EXOC4: variants seen among roughly 807,000 people sequenced by gnomAD.
EXOC4 encodes the protein exocyst complex component 4, also known as SEC8-like 1.
A neutral mutation model predicts 107.2 loss-of-function variants in EXOC4; 71 were observed. That is an observed-to-expected ratio of 0.66 (90% CI 0.55 to 0.81). The LOEUF (loss-of-function observed/expected upper bound fraction) is 0.81, where lower values mean the gene tolerates loss of function less well. EXOC4 is among the 30% of genes least tolerant of loss of function. EXOC4 has a pLI of 0.00. For synonymous variants in EXOC4, 456 were observed against 441.2 expected, an observed-to-expected ratio of 1.03 and a Z score of -0.42; for missense variants, 1,108 against 1,189.6, an observed-to-expected ratio of 0.93 and a Z score of 1.01.
chr7:133,499,128 T>C (rs957933128), intron 9 of EXOC4, among the ~76,000 whole-genome samples: 1 of 150,650 alleles, frequency 6.6e-6, no homozygotes, highest in Non-Finnish European at 1.5e-5. Flanking sequence ...AAAAAAAAAA[T>C]TACCCCAGAC....
chr7:133,590,485 C>T (rs144263941), intron 9 of EXOC4, among the ~76,000 whole-genome samples: 46 of 152,168 alleles, frequency 3.0e-4, no homozygotes, highest in African/African-American at 1.1e-3. Flanking sequence ...CAAATGCTGC[C>T]CTTTCTAAAA....
intron 14 of EXOC4, among the ~76,000 whole-genome samples, chr7:133,947,524 CA>C (rs982969772): frequency 1.1e-4 from 17 of 152,178 alleles, no homozygotes; most frequent in African/African-American, 4.1e-4. Context: ...TTTTGTTCTT[CA>C]AAACTACAAA....
intron 9 of EXOC4, among the ~76,000 whole-genome samples, chr7:133,486,506 AT>A (rs1257018595): frequency 3.3e-5 from 5 of 152,202 alleles, no homozygotes; most frequent in African/African-American, 1.2e-4. Context: ...AGCCTTAAAT[AT>A]AAGAAGCACT....
At chr7:133,484,001 T>C (rs1417523052) in intron 9 of EXOC4, 13 of 1,612,538 alleles carry the variant, frequency 8.1e-6, no homozygotes, top group Non-Finnish European at 1.1e-5. Flanking sequence ...TGCTTCCCAG[T>C]AATTTCGGTT....
intron 1 of EXOC4, among the ~76,000 whole-genome samples, chr7:133,260,435 G>A (rs574719377): frequency 5.9e-5 from 9 of 152,078 alleles, no homozygotes; most frequent in East Asian, 1.9e-4. Context: ...CACCACACCC[G>A]GCTAATTTTT....
intron 7 of EXOC4, among the ~76,000 whole-genome samples, chr7:133,416,196 G>A (rs1797472019): frequency 6.6e-6 from 1 of 152,106 alleles, no homozygotes; most frequent in Admixed American, 6.6e-5. Context: ...ACATTAAAAA[G>A]GTTGTCAGTG....
In EXOC4 at chr7:133,581,767, A is replaced by T. The variant is rs571242896; in HGVS notation, c.1418-48278A>T. 1.0e-3 allele frequency among the ~76,000 whole-genome samples: 159 copies of T among 151,588 alleles called. No homozygotes were observed. The South Asian group carries it at 0.032, about 31-fold the overall frequency. On this transcript the variant is annotated intron_variant, in intron 9 of 17. Transcript: ENST00000253861. ...AGTGAGACTCCGTCTCAAAAAAAAA[A>T]AAAAAAAAAAAAGAATGACCTGAGA...
chr7:133,315,477 AG>A (rs1179829545), intron 4 of EXOC4: 4 of 152,186 alleles, frequency 2.6e-5, no homozygotes, highest in African/African-American at 9.7e-5. Context: ...TCCAGGGCCT[AG>A]GGGGACCTGT....
At chr7:133,971,774 AAT>A (rs1384109923) in intron 14 of EXOC4, among the ~76,000 whole-genome samples, 1 of 152,178 alleles carries the variant, frequency 6.6e-6, no homozygotes, top group Admixed American at 6.5e-5. Context: ...ATGAAAAACT[AAT>A]AGAGTGTTTA....
At chr7:133,923,944 C>G (rs1799995419) in intron 13 of EXOC4, among the ~76,000 whole-genome samples, 1 of 151,914 alleles carries the variant, frequency 6.6e-6, no homozygotes, top group Admixed American at 6.6e-5. Context: ...TGTTCTCTTC[C>G]CTTCATTTGC....
At chr7:133,606,282 C>T (rs1801943733) in intron 9 of EXOC4, among the ~76,000 whole-genome samples, 1 of 151,934 alleles carries the variant, frequency 6.6e-6, no homozygotes, top group African/African-American at 2.4e-5. Flanking sequence ...GTCCAGGGTT[C>T]ACTAGTTATC....
At chr7:133,966,061 C>T (rs1801058895) in intron 14 of EXOC4, among the ~76,000 whole-genome samples, 1 of 152,018 alleles carries the variant, frequency 6.6e-6, no homozygotes, top group African/African-American at 2.4e-5. Context: ...AGTTTGATTC[C>T]TAGGTATTTT....
chr7:133,862,549 G>T (rs1489320214), intron 11 of EXOC4, among the ~76,000 whole-genome samples: 1 of 152,094 alleles, frequency 6.6e-6, no homozygotes, highest in East Asian at 1.9e-4. Flanking sequence ...TTATTTTGGG[G>T]TTTGATTGAT....
chr7:134,024,793 C>CAAA (rs1219479889), intron 17 of EXOC4, among the ~76,000 whole-genome samples: 1 of 152,220 alleles, frequency 6.6e-6, no homozygotes, highest in African/African-American at 2.4e-5. Context: ...ACTCCAAGCA[C>CAAA]AAGGGTGACA....
At chr7:134,071,469 G>A (rs996302305), downstream of EXOC4, among the ~76,000 whole-genome samples, 3 of 152,178 alleles carry the variant, frequency 2.0e-5, no homozygotes, top group African/African-American at 7.2e-5. Flanking sequence ...TTTTATATTG[G>A]GTAAAGGGAA....
chr7:133,302,081 A>G (rs775410806), intron 3 of EXOC4, among the ~76,000 whole-genome samples: 1 of 152,034 alleles, frequency 6.6e-6, no homozygotes, highest in African/African-American at 2.4e-5. Flanking sequence ...ATCTCAACTC[A>G]GGCAAATTTT....
intron 10 of EXOC4, among the ~76,000 whole-genome samples, chr7:133,791,351 T>G (rs1203742590): frequency 6.6e-6 from 1 of 152,216 alleles, no homozygotes; most frequent in Non-Finnish European, 1.5e-5. Context: ...CAACTCAAAG[T>G]GTAGCATGTA....
At chr7:134,099,377 C>A in the EXOC4 span, among the ~76,000 whole-genome samples, 1 of 151,974 alleles carries the variant, frequency 6.6e-6, no homozygotes, top group African/African-American at 2.4e-5. Flanking sequence ...CTCCTGAAGA[C>A]CGTCATGTGA....
chr7:133,697,685 G>A (rs1255556432), intron 10 of EXOC4, among the ~76,000 whole-genome samples: 1 of 152,196 alleles, frequency 6.6e-6, no homozygotes, highest in Non-Finnish European at 1.5e-5. Flanking sequence ...ATTCCAACAA[G>A]GACAAGTGGG....
Sources: allele counts gnomAD v4.1 joint callset (sites outside exome capture counted in the v4.1 genomes callset), GRCh38; gene constraint gnomAD v4.1.1; transcripts MANE v1.5; gene names NCBI Gene and HGNC (gene_info 2026-07-23, HGNC 2026-07-21).